TFDP2: variants seen among roughly 807,000 people sequenced by gnomAD.
TFDP2 encodes the protein transcription factor Dp-2, also known as transcription factor Dp-2 (E2F dimerization partner 2).
Under a neutral mutation model 59.3 loss-of-function variants are expected in TFDP2, and 17 were observed. That is an observed-to-expected ratio of 0.29 (90% CI 0.20 to 0.43). The LOEUF (loss-of-function observed/expected upper bound fraction) is 0.43. TFDP2 is among the 20% of genes least tolerant of loss of function. The pLI is 1.00. For synonymous variants in TFDP2, 180 were observed against 194.7 expected, an observed-to-expected ratio of 0.92 and a Z score of 0.63; for missense variants, 391 against 528.8, an observed-to-expected ratio of 0.74 and a Z score of 2.56.
intron 1 of TFDP2, among the ~76,000 whole-genome samples, chr3:142,127,178 CTT>C (rs893888111): frequency 6.8e-6 from 1 of 147,620 alleles, no homozygotes; most frequent in Non-Finnish European, 1.5e-5. Context: ...AATTATATAA[CTT>C]ATCTATAAGA....
At chr3:142,071,908 G>A (rs1053858108) in intron 3 of TFDP2, among the ~76,000 whole-genome samples, 3 of 152,214 alleles carry the variant, frequency 2.0e-5, no homozygotes, top group South Asian at 2.1e-4. Flanking sequence ...ATAGGCTGTC[G>A]GATATACAAA....
At chr3:142,026,068 C>A (rs1451068392) in intron 3 of TFDP2, among the ~76,000 whole-genome samples, 1 of 152,212 alleles carries the variant, frequency 6.6e-6, no homozygotes, top group Non-Finnish European at 1.5e-5. Context: ...TCCCAGCACT[C>A]TGGGAGGCCG....
At chr3:141,955,013 C>T (rs978549931) in intron 11 of TFDP2, among the ~76,000 whole-genome samples, 2 of 151,980 alleles carry the variant, frequency 1.3e-5, no homozygotes, top group African/African-American at 4.8e-5. Context: ...GAATAGCAGA[C>T]TTTAAATACA....
intron 4 of TFDP2, among the ~76,000 whole-genome samples, chr3:142,002,324 T>TG (rs1943861447): frequency 6.8e-6 from 1 of 147,730 alleles, no homozygotes; most frequent in Non-Finnish European, 1.5e-5. Flanking sequence ...AGTGTTTTTT[T>TG]TTTTTTTTTT....
At chr3:142,131,526 C>T (rs1255003296) in intron 1 of TFDP2, among the ~76,000 whole-genome samples, 1 of 150,038 alleles carries the variant, frequency 6.7e-6, no homozygotes, top group African/African-American at 2.5e-5. Context: ...ATCTCCCAAA[C>T]AATGTCAACA....
At chr3:141,968,105 GA>G (rs1938417078) in intron 9 of TFDP2, among the ~76,000 whole-genome samples, 1 of 151,134 alleles carries the variant, frequency 6.6e-6, no homozygotes, top group African/African-American at 2.4e-5. Context: ...CTGCCGGGGG[GA>G]AGAAGATGGC....
chr3:141,945,000 G>A lies in TFDP2; in HGVS notation c.*7513C>T, dbSNP rs890590125. On this transcript the variant is annotated 3_prime_UTR_variant, in exon 13 of 13. Transcript: ENST00000489671. The stretch of plus-strand genomic sequence containing the variant: ...AATTGCTTAAAGCATGTGGCACCAC[G>A]ATGTATCCTTCATGCAGAAAAAAGG... The A allele has an allele frequency of 6.6e-6, 1 of 152,152 alleles. No homozygotes were observed. The highest frequency in any genetic ancestry group is 6.5e-5 in the Admixed American group (1 of 15,274). 9.4% of individuals were successfully genotyped at this position (152,152 alleles called of 1,614,324 possible).
At chr3:141,979,143 TG>T (rs1439721087) in intron 6 of TFDP2, among the ~76,000 whole-genome samples, 3 of 152,356 alleles carry the variant, frequency 2.0e-5, no homozygotes, top group Non-Finnish European at 2.9e-5. Flanking sequence ...AAGATTACAA[TG>T]GAGCTGAAAA....
At chr3:142,103,199 T>C (rs1295491354) in intron 1 of TFDP2, among the ~76,000 whole-genome samples, 2 of 151,628 alleles carry the variant, frequency 1.3e-5, no homozygotes, top group Admixed American at 6.6e-5. Context: ...GAACGCGCCA[T>C]TGCACTCCAG....
intron 4 of TFDP2, among the ~76,000 whole-genome samples, chr3:141,997,047 C>T (rs2108211555): frequency 1.3e-5 from 2 of 152,308 alleles, no homozygotes; most frequent in Middle Eastern, 3.4e-3. Context: ...TATGCTTGCA[C>T]TTCCCACTCC....
chr3:142,111,028 T>C (rs1231758874), intron 1 of TFDP2, among the ~76,000 whole-genome samples: 5 of 152,036 alleles, frequency 3.3e-5, no homozygotes, highest in Admixed American at 1.3e-4. Flanking sequence ...AGTCCCTGCC[T>C]TCATGGAGCC....
At chr3:142,125,793 C>T (rs1374691138) in intron 1 of TFDP2, among the ~76,000 whole-genome samples, 1 of 152,108 alleles carries the variant, frequency 6.6e-6, no homozygotes, top group Non-Finnish European at 1.5e-5. Context: ...ATTTTCTTTT[C>T]TTTTTTATTA....
chr3:142,041,864 A>G (rs1946987465), intron 3 of TFDP2, among the ~76,000 whole-genome samples: 1 of 152,086 alleles, frequency 6.6e-6, no homozygotes, highest in Non-Finnish European at 1.5e-5. Flanking sequence ...GCCTAGGTTC[A>G]TTTTTTTGCA....
chr3:141,972,815 T>C (rs1939972927), intron 8 of TFDP2, among the ~76,000 whole-genome samples: 1 of 152,002 alleles, frequency 6.6e-6, no homozygotes, highest in African/African-American at 2.4e-5. Flanking sequence ...AAGCACAAGG[T>C]AGATGTGAAT....
intron 3 of TFDP2, among the ~76,000 whole-genome samples, chr3:142,055,586 C>A (rs933144573): frequency 6.6e-6 from 1 of 152,202 alleles, no homozygotes; most frequent in Non-Finnish European, 1.5e-5. Context: ...ACAAGGCTAA[C>A]ATTTAAACTC....
At position 142,089,535 on chromosome 3, in the gene TFDP2, T is replaced by TC. The variant is rs1560132062; in HGVS notation, c.82+3525_82+3526insG. ...TTAATTAGGCAGGGGAGTGACCCAG[T>TC]AACTGCACTTCTGAGTACTTATCTT... On this transcript the variant is annotated intron_variant, in intron 3 of 12. Coordinates refer to ENST00000489671, the MANE Select transcript of TFDP2 (RefSeq NM_001178139.2). Among the ~76,000 whole-genome samples, 3 of 152,258 alleles carry TC rather than the reference T, an allele frequency of 2.0e-5. No homozygotes were observed. The East Asian group carries it at 5.8e-4, about 29-fold the overall frequency.
At position 142,149,489 on chromosome 3, in the gene TFDP2, C is replaced by T. The variant is rs2063309182; in HGVS notation, c.-399G>A. 1 of 359,702 alleles carries T rather than the reference C, an allele frequency of 2.8e-6. No homozygotes were observed. The highest frequency in any genetic ancestry group is 5.0e-6 in the Non-Finnish European group (1 of 201,674). 22.3% of individuals were successfully genotyped at this position (359,702 alleles called of 1,614,324 possible). ...CGATTTCGTCCGCCCTCTCCCTGCCCAGCTACAGCCCCGCTTCCCCCGCGC... is the reference window on the plus strand; with the variant it reads ...CGATTTCGTCCGCCCTCTCCCTGCCTAGCTACAGCCCCGCTTCCCCCGCGC... On this transcript the variant is annotated 5_prime_UTR_variant, in exon 1 of 13. Transcript: ENST00000489671.
rs188323961 is a variant in TFDP2 at position 141,952,001 on chromosome 3, C to A, written c.*512G>T. 375 of 152,870 alleles carry A rather than the reference C, an allele frequency of 2.5e-3. No individual in the cohort carries two copies. Among genetic ancestry groups the A allele is most frequent in the Non-Finnish European group, 3.0e-3 (204 of 68,148 alleles). 9.5% of individuals were successfully genotyped at this position (152,870 alleles called of 1,614,324 possible). A position where few individuals can be genotyped will look rare whatever the true frequency, so the allele number is the denominator to read the frequency against. Reference sequence around the variant, plus strand: ...ACTAGTTCAGCAGTTCAATCTGTGCCCCTCAGCCACAGGACTGCCCTCAGT... The same window carrying A: ...ACTAGTTCAGCAGTTCAATCTGTGCACCTCAGCCACAGGACTGCCCTCAGT... On this transcript the variant is annotated 3_prime_UTR_variant, in exon 13 of 13. Coordinates refer to ENST00000489671, the MANE Select transcript of TFDP2 (RefSeq NM_001178139.2).
intron 6 of TFDP2, among the ~76,000 whole-genome samples, chr3:141,982,612 G>A (rs1353626685): frequency 6.6e-6 from 1 of 152,134 alleles, no homozygotes; most frequent in Non-Finnish European, 1.5e-5. Context: ...ATAAGATAGG[G>A]TGGTTTCGGG....
Sources: allele counts gnomAD v4.1 joint callset (sites outside exome capture counted in the v4.1 genomes callset), GRCh38; gene constraint gnomAD v4.1.1; transcripts MANE v1.5; gene names NCBI Gene and HGNC (gene_info 2026-07-23, HGNC 2026-07-21).